The following FLYWCH1 variants were observed in gnomAD, a reference collection of about 807,000 sequenced individuals.
The protein encoded by FLYWCH1 is FLYWCH-type zinc finger 1, also known as FLYWCH-type zinc finger-containing protein 1.
In FLYWCH1, 75 loss-of-function variants were observed where a neutral mutation model predicts 66.4. The observed-to-expected ratio is 1.13, with a 90% CI of 0.94 to 1.37. The LOEUF (loss-of-function observed/expected upper bound fraction) is 1.37, where lower values mean the gene tolerates loss of function less well. Ranked by LOEUF, FLYWCH1 falls within the 40% of genes most tolerant of loss-of-function variation. FLYWCH1 has a pLI of 0.00. For synonymous variants in FLYWCH1, 595 were observed against 429.9 expected (o/e 1.38, Z -4.75); for missense variants, 1,334 against 1,001.8 (o/e 1.33, Z -4.48).
In FLYWCH1 at chr16:2,933,905, C is replaced by T. The variant is rs757850948; in HGVS notation, c.1439C>T (p.Pro480Leu). Residue 480 changes from proline (P) to leucine (L), a missense_variant, in exon 6 of 10, where the codon CCG becomes CTG. By Grantham distance (98) the Pro-to-Leu change is moderately conservative. Transcript: ENST00000253928. The part of the protein sequence containing the change: ...RVTVMRGHCH[P>L]PDLGGLEALR... ...ACTGTCATGCGTGGTCACTGCCACC[C>T]GCCCGACCTGGGAGGCCTGGAGGCC... 52 of 1,579,338 alleles carry T rather than the reference C, an allele frequency of 3.3e-5. No individual in the cohort carries two copies. The highest frequency in any genetic ancestry group is 9.4e-5 in the African/African-American group (7 of 74,114).
intron 2 of FLYWCH1, among the ~76,000 whole-genome samples, chr16:2,921,058 G>T (rs1287501527): frequency 6.7e-6 from 1 of 149,782 alleles, no homozygotes; most frequent in Non-Finnish European, 1.5e-5. Context: ...AGCCCGGATG[G>T]TCTCGATCTG....
Position 2,930,655 on chromosome 16 carries a change from C to T in FLYWCH1, c.571C>T (p.Pro191Ser). ...LEARRQREKL[P>S]SLALPEGLGE... ...GGCCCGGCGCCAGAGGGAGAAACTG[C>T]CCAGCCTGGCCCTGCCAGAGGGCTT... is the stretch of plus-strand genomic sequence containing the variant. The change falls in exon 4 of 10, where the codon CCC becomes TCC. Residue 191 changes from proline to serine, a missense_variant. Pro to Ser is a moderately conservative substitution (Grantham distance 74, BLOSUM62 -1). Coordinates refer to ENST00000253928, the MANE Select transcript of FLYWCH1 (RefSeq NM_001308068.2). 1 of 1,546,156 alleles carries T rather than the reference C, an allele frequency of 6.5e-7. No individual in the cohort carries two copies. The highest frequency in any genetic ancestry group is 8.7e-7 in the Non-Finnish European group (1 of 1,147,072).
chr16:2,926,894 C>T (rs2070586455), intron 2 of FLYWCH1, among the ~76,000 whole-genome samples: 1 of 152,174 alleles, frequency 6.6e-6, no homozygotes, highest in African/African-American at 2.4e-5. Flanking sequence ...AACATTACAA[C>T]CTCAAATGCA....
chr16:2,919,855 A>C (rs9935192), intron 2 of FLYWCH1, among the ~76,000 whole-genome samples: 75,524 of 151,980 alleles, frequency 0.5, 19,330 homozygotes, highest in Non-Finnish European at 0.56. Flanking sequence ...TCTTGTGGCC[A>C]TATGGAGTAT....
At chr16:2,917,370 C>T (rs2070207176) in intron 2 of FLYWCH1, among the ~76,000 whole-genome samples, 1 of 151,122 alleles carries the variant, frequency 6.6e-6, no homozygotes, top group Non-Finnish European at 1.5e-5. Context: ...GCTGGGATTA[C>T]AGGCGCCCAC....
At chr16:2,948,540 G>C (rs2071579009) in intron 9 of FLYWCH1, 148 bp from the exon 10 acceptor site, 3 of 796,526 alleles carry the variant, frequency 3.8e-6, no homozygotes, top group South Asian at 3.3e-5. Flanking sequence ...TCCAGCCTGG[G>C]TGACAGAGCA....
chr16:2,936,956 G>C, intron 6 of FLYWCH1, 165 bp from the exon 7 acceptor site: 1 of 902,064 alleles, frequency 1.1e-6, no homozygotes, highest in Non-Finnish European at 1.7e-6. Flanking sequence ...AGCAGCTGGA[G>C]CCCCAGCAGA....
chr16:2,930,206 C>T (rs1378713795), intron 3 of FLYWCH1, among the ~76,000 whole-genome samples, 196 bp downstream of exon 3: 16 of 152,064 alleles, frequency 1.1e-4, no homozygotes, highest in South Asian at 2.1e-4. Context: ...GTTGCAGTGA[C>T]GTGCAGAATT....
chr16:2,937,831 G>A (rs1406195479), intron 7 of FLYWCH1, among the ~76,000 whole-genome samples: 1 of 152,144 alleles, frequency 6.6e-6, no homozygotes, highest in Non-Finnish European at 1.5e-5. Context: ...TGAGGGGTAG[G>A]TGGACAGGGA....
chr16:2,941,674 C>G (rs1310038136), intron 9 of FLYWCH1, among the ~76,000 whole-genome samples: 2 of 151,572 alleles, frequency 1.3e-5, no homozygotes, highest in Admixed American at 1.3e-4. Flanking sequence ...CCCAGGAGTT[C>G]CATACTAGCA....
At chr16:2,919,512 C>A (rs2070293195) in intron 2 of FLYWCH1, among the ~76,000 whole-genome samples, 1 of 152,026 alleles carries the variant, frequency 6.6e-6, no homozygotes, top group Non-Finnish European at 1.5e-5. Context: ...GATCCGCCTG[C>A]CTTGGCCTGC....
In FLYWCH1 at chr16:2,938,422, G is replaced by A. The variant is rs2071111969; in HGVS notation, c.2016G>A (p.Glu672=). 1 of 1,536,168 alleles carries A rather than the reference G, an allele frequency of 6.5e-7. No homozygotes were observed. The change falls in exon 8 of 10, where the codon GAG becomes GAA. Residue 672 remains glutamate, a synonymous_variant. Transcript: ENST00000253928. ...GCCTGGAGGCCTTGAGGCAACGGGA[G>A]CGGCTCCCCACCACGGCCCAGCAGG... ...LAGLEALRQR[E]RLPTTAQQED...
chr16:2,923,806 G>C (rs2070461278), intron 2 of FLYWCH1, among the ~76,000 whole-genome samples: 1 of 152,078 alleles, frequency 6.6e-6, no homozygotes. Context: ...GGAAGGCTGA[G>C]GCGGGTGGAT....
At chr16:2,933,687 TC>T in intron 5 of FLYWCH1, 28 bp from the exon 6 acceptor site, 1 of 1,599,666 alleles carries the variant, frequency 6.3e-7, no homozygotes, top group South Asian at 1.1e-5. Context: ...CCCTGTCCCC[TC>T]CCCTGACTGC....
chr16:2,933,540 C>A lies in FLYWCH1; in HGVS notation c.1207C>A (p.Pro403Thr), dbSNP rs373969093. The change falls in exon 5 of 10, where the codon CCC becomes ACC. Residue 403 changes from proline to threonine, a missense_variant. Transcript: ENST00000253928. Reference sequence around the variant, plus strand: ...CGAAGACCAGGAGCTGCCAACCCAGCCCGAGGCCCCAGACGAGCACCAGGA... The same window carrying A: ...CGAAGACCAGGAGCTGCCAACCCAGACCGAGGCCCCAGACGAGCACCAGGA... ...KVEDQELPTQ[P>T]EAPDEHQDMD... 2 of 1,608,174 alleles carry A rather than the reference C, an allele frequency of 1.2e-6. No homozygotes were observed. Among genetic ancestry groups the A allele is most frequent in the East Asian group, 2.2e-5 (1 of 44,796 alleles).
intron 2 of FLYWCH1, among the ~76,000 whole-genome samples, chr16:2,921,206 A>G (rs1246749513): frequency 3.3e-5 from 5 of 152,192 alleles, no homozygotes; most frequent in Admixed American, 1.3e-4. Context: ...TTCTCCATCT[A>G]AAGTCTACAA....
At chr16:2,925,037 C>G (rs1237092764) in intron 2 of FLYWCH1, among the ~76,000 whole-genome samples, 2 of 152,232 alleles carry the variant, frequency 1.3e-5, no homozygotes, top group Non-Finnish European at 2.9e-5. Context: ...CGGCCTGGGA[C>G]AGGCCCCTGC....
intron 9 of FLYWCH1, among the ~76,000 whole-genome samples, chr16:2,945,673 C>T (rs776148140): frequency 1.3e-5 from 2 of 149,676 alleles, no homozygotes; most frequent in African/African-American, 2.5e-5. Flanking sequence ...AATTAAAGTC[C>T]AACTTAAAAA....
intron 9 of FLYWCH1, chr16:2,943,412 C>G (rs1296742407): frequency 6.6e-6 from 1 of 151,648 alleles, no homozygotes; most frequent in East Asian, 1.9e-4. Flanking sequence ...ATCCCAGCCA[C>G]TAGTATGATG....
Sources: allele counts gnomAD v4.1 joint callset (sites outside exome capture counted in the v4.1 genomes callset), GRCh38; gene constraint gnomAD v4.1.1; transcripts MANE v1.5; gene names NCBI Gene and HGNC (gene_info 2026-07-23, HGNC 2026-07-21).